OPCML: variants seen among roughly 807,000 people sequenced by gnomAD.
OPCML encodes opioid-binding protein/cell adhesion molecule.
In OPCML, 13 loss-of-function variants were observed where a neutral mutation model predicts 37.8. The observed-to-expected ratio is 0.34, with a 90% CI of 0.22 to 0.55. The LOEUF is 0.55. Among genes scored for constraint, OPCML ranks in the 20% least tolerant of loss-of-function variants. The pLI is 0.91. For synonymous variants in OPCML, 176 were observed against 168.8 expected (o/e 1.04, Z -0.33); for missense variants, 341 against 435.6 (o/e 0.78, Z 1.93).
At chr11:132,909,104 AGCAGC>A (rs1944339819) in intron 2 of OPCML, among the ~76,000 whole-genome samples, 9 of 152,210 alleles carry the variant, frequency 5.9e-5, no homozygotes, top group Admixed American at 5.9e-4. Context: ...GAAAGCGAGG[AGCAGC>A]TTCAGCTGCA....
intron 2 of OPCML, among the ~76,000 whole-genome samples, chr11:132,679,438 C>T (rs1942843829): frequency 6.6e-6 from 1 of 152,226 alleles, no homozygotes; most frequent in Non-Finnish European, 1.5e-5. Context: ...GTGATACATT[C>T]TCCAACGTGG....
intron 1 of OPCML, among the ~76,000 whole-genome samples, chr11:133,239,320 T>A (rs1036538841): frequency 1.3e-5 from 2 of 152,202 alleles, no homozygotes; most frequent in Non-Finnish European, 2.9e-5. Flanking sequence ...AAATGAACAG[T>A]CTTAGCTCTT....
At chr11:133,021,506 C>A (rs993737822) in intron 1 of OPCML, among the ~76,000 whole-genome samples, 1 of 152,082 alleles carries the variant, frequency 6.6e-6, no homozygotes, top group Admixed American at 6.5e-5. Flanking sequence ...TTCTCAACGG[C>A]AATGAGCTTT....
intron 2 of OPCML, among the ~76,000 whole-genome samples, chr11:132,700,994 T>C (rs1049623237): frequency 6.6e-6 from 1 of 152,220 alleles, no homozygotes; most frequent in Non-Finnish European, 1.5e-5. Context: ...TTTACAATTG[T>C]TGTATCTTCT....
At chr11:133,403,877 C>G (rs1318455667) in intron 1 of OPCML, among the ~76,000 whole-genome samples, 1 of 152,170 alleles carries the variant, frequency 6.6e-6, no homozygotes, top group Non-Finnish European at 1.5e-5. Context: ...TGGCCAAGAT[C>G]TACTACCTTC....
At chr11:132,878,740 C>A (rs1168700657) in intron 2 of OPCML, among the ~76,000 whole-genome samples, 2 of 152,120 alleles carry the variant, frequency 1.3e-5, no homozygotes, top group African/African-American at 4.8e-5. Flanking sequence ...TCTAATCTTT[C>A]TATTGAGATA....
chr11:133,424,839 C>T (rs1281253797), intron 1 of OPCML, among the ~76,000 whole-genome samples: 1 of 152,148 alleles, frequency 6.6e-6, no homozygotes, highest in African/African-American at 2.4e-5. Flanking sequence ...GCGGAGGTAG[C>T]AATATGCCAC....
At chr11:133,308,883 A>G (rs562378256) in intron 1 of OPCML, among the ~76,000 whole-genome samples, 41 of 152,250 alleles carry the variant, frequency 2.7e-4, no homozygotes, top group Non-Finnish European at 4.6e-4. Context: ...AGAGTTCACA[A>G]TAACTAAAAT....
At chr11:133,032,759 C>T (rs781474213) in intron 1 of OPCML, among the ~76,000 whole-genome samples, 5 of 152,150 alleles carry the variant, frequency 3.3e-5, no homozygotes, top group Admixed American at 1.3e-4. Context: ...CAGGATCCTC[C>T]GTGACTATTG....
At chr11:132,470,149 A>T (rs2096133392) in intron 4 of OPCML, among the ~76,000 whole-genome samples, 1 of 152,102 alleles carries the variant, frequency 6.6e-6, no homozygotes, top group Non-Finnish European at 1.5e-5. Flanking sequence ...AATAGAGAAC[A>T]CATTGTTGCA....
intron 3 of OPCML, among the ~76,000 whole-genome samples, chr11:132,575,813 T>G (rs1275056919): frequency 6.6e-6 from 1 of 152,128 alleles, no homozygotes; most frequent in East Asian, 1.9e-4. Context: ...TTAAAATTTC[T>G]TATGTGACAG....
At chr11:132,957,253 T>A (rs1229025200) in intron 1 of OPCML, among the ~76,000 whole-genome samples, 1 of 151,148 alleles carries the variant, frequency 6.6e-6, no homozygotes, top group Non-Finnish European at 1.5e-5. Context: ...CCATTGCTCA[T>A]CCTCCTTCCT....
At chr11:132,687,233 C>A (rs745542363) in intron 2 of OPCML, among the ~76,000 whole-genome samples, 1 of 151,100 alleles carries the variant, frequency 6.6e-6, no homozygotes, top group Admixed American at 6.6e-5. Context: ...TAGCTTTATC[C>A]TATTAAGGTC....
At chr11:133,068,807 A>AT (rs1948479295) in intron 1 of OPCML, among the ~76,000 whole-genome samples, 1 of 152,134 alleles carries the variant, frequency 6.6e-6, no homozygotes, top group South Asian at 2.1e-4. Context: ...TCACAGATTC[A>AT]TTTTTTCCAT....
chr11:133,492,647 A>G (rs1947690287), intron 1 of OPCML, among the ~76,000 whole-genome samples: 1 of 152,250 alleles, frequency 6.6e-6, no homozygotes, highest in East Asian at 1.9e-4. Context: ...TCAAAGGGGA[A>G]AATAAAAAGT....
At chr11:132,737,084 G>A (rs1333967028) in intron 2 of OPCML, among the ~76,000 whole-genome samples, 2 of 152,190 alleles carry the variant, frequency 1.3e-5, no homozygotes, top group African/African-American at 4.8e-5. Flanking sequence ...TGTGGACACT[G>A]TTGTCTCCTG....
intron 1 of OPCML, among the ~76,000 whole-genome samples, chr11:133,524,479 T>C (rs1302605614): frequency 2.0e-5 from 3 of 152,240 alleles, no homozygotes; most frequent in Non-Finnish European, 4.4e-5. Context: ...TTTTGCTTGT[T>C]AGCACCATGG....
intron 7 of OPCML, among the ~76,000 whole-genome samples, chr11:132,425,338 A>G (rs1032510948): frequency 6.6e-6 from 1 of 152,214 alleles, no homozygotes; most frequent in African/African-American, 2.4e-5. Context: ...AATCCCTTTC[A>G]TCTCAGGAAC....
chr11:133,379,321 T>C (rs943533358), intron 1 of OPCML, among the ~76,000 whole-genome samples: 2 of 152,242 alleles, frequency 1.3e-5, no homozygotes, highest in Admixed American at 6.5e-5. Context: ...TACACCCCTG[T>C]GCGTCTGATC....
Sources: allele counts gnomAD v4.1 joint callset (sites outside exome capture counted in the v4.1 genomes callset), GRCh38; gene constraint gnomAD v4.1.1; transcripts MANE v1.5; gene names NCBI Gene and HGNC (gene_info 2026-07-23, HGNC 2026-07-21).